Variants in ELAC1 observed in about 807,000 individuals in gnomAD.
ELAC1 encodes the protein elaC ribonuclease Z 1, also known as zinc phosphodiesterase ELAC protein 1.
A neutral mutation model predicts 25.8 loss-of-function variants in ELAC1; 19 were observed. The ratio of observed to expected loss-of-function variants is 0.74; its 90% CI spans 0.51 to 1.08. The LOEUF (loss-of-function observed/expected upper bound fraction) is 1.08, where lower values mean the gene tolerates loss of function less well. ELAC1 is among the 50% of genes least tolerant of loss of function. The pLI, the probability that ELAC1 is intolerant of heterozygous loss-of-function variation, is 0.00. For synonymous variants in ELAC1, 148 were observed against 160.9 expected (o/e 0.92, Z 0.61); for missense variants, 403 against 434.6 (o/e 0.93, Z 0.65).
chr18:50,980,574 C>T (rs922271491), intron 2 of ELAC1, among the ~76,000 whole-genome samples: 2 of 151,682 alleles, frequency 1.3e-5, no homozygotes, highest in Admixed American at 1.3e-4. Flanking sequence ...ACCAGCCTGG[C>T]CAACATGGTG....
chr18:50,974,307 A>C, intron 1 of ELAC1, 90 bp from the exon 2 acceptor site: 2 of 1,242,804 alleles, frequency 1.6e-6, no homozygotes, highest in Non-Finnish European at 2.2e-6. Context: ...GTTCTAAATA[A>C]CCAAAAAGTA....
At chr18:50,983,576 G>A (rs1172442569) in intron 2 of ELAC1, among the ~76,000 whole-genome samples, 2 of 151,820 alleles carry the variant, frequency 1.3e-5, no homozygotes, top group Non-Finnish European at 2.9e-5. Context: ...AAACCATCTA[G>A]TGGGGCTAGG....
In ELAC1 at chr18:50,984,268, T is replaced by C; in HGVS notation, c.330T>C (p.Ser110=). The change falls in exon 3 of 4, where the codon TCT becomes TCC. Residue 110 remains serine (S), a synonymous_variant. Transcript: ENST00000269466. Reference sequence around the variant, plus strand: ...TTATCTGGCGAACCATGGAACTCTCTCACACGGAGCTGGTCTTCCATTATG... The same window carrying C: ...TTATCTGGCGAACCATGGAACTCTCCCACACGGAGCTGGTCTTCCATTATG... ...RDFIWRTMEL[S]HTELVFHYVV... 1.9e-6 allele frequency: 3 copies of C among 1,614,200 alleles called. No individual in the cohort carries two copies. Among genetic ancestry groups the C allele is most frequent in the Non-Finnish European group, 2.5e-6 (3 of 1,180,038 alleles).
chr18:50,983,138 T>A (rs1907999005), intron 2 of ELAC1, among the ~76,000 whole-genome samples: 1 of 151,236 alleles, frequency 6.6e-6, no homozygotes, highest in Non-Finnish European at 1.5e-5. Context: ...TTGGTACACT[T>A]GTATATTTTA....
At chr18:50,985,282 A>G (rs978190650) in intron 3 of ELAC1, among the ~76,000 whole-genome samples, 1 of 152,138 alleles carries the variant, frequency 6.6e-6, no homozygotes, top group East Asian at 1.9e-4. Flanking sequence ...TAACCTTACA[A>G]CTGCAACCAT....
chr18:50,981,774 G>A (rs1907955244), intron 2 of ELAC1, among the ~76,000 whole-genome samples: 1 of 151,904 alleles, frequency 6.6e-6, no homozygotes, highest in Admixed American at 6.6e-5. Flanking sequence ...ATAGGGAAAG[G>A]GCCCAGAAAG....
chr18:50,980,814 G>A (rs1289325362), intron 2 of ELAC1, among the ~76,000 whole-genome samples: 2 of 149,744 alleles, frequency 1.3e-5, no homozygotes, highest in African/African-American at 4.9e-5. Flanking sequence ...AGGAAGGTGA[G>A]ATAGTAATCC....
chr18:50,974,252 C>T lies in ELAC1; in HGVS notation c.-8-145C>T, dbSNP rs767685346. Reference sequence around the variant, plus strand: ...TTTTAGCCAAGTTATTAAAACCTTACTGTGGATATGTGTGGAATACTATGA... The same window carrying T: ...TTTTAGCCAAGTTATTAAAACCTTATTGTGGATATGTGTGGAATACTATGA... On this transcript the variant is annotated intron_variant, in intron 1 of 3. Coordinates refer to ENST00000269466, the MANE Select transcript of ELAC1 (RefSeq NM_018696.3). The T allele has an allele frequency of 1.0e-4, 54 of 542,538 alleles. 1 individual carries two copies. The highest frequency in any genetic ancestry group is 1.3e-4 in the Non-Finnish European group (45 of 353,696). 33.6% of individuals were successfully genotyped at this position (542,538 alleles called of 1,614,324 possible).
At chr18:50,979,558 C>T (rs1018501951) in intron 2 of ELAC1, among the ~76,000 whole-genome samples, 11 of 152,088 alleles carry the variant, frequency 7.2e-5, no homozygotes, top group African/African-American at 2.4e-4. Context: ...ATAAAGTAAT[C>T]GCATTGCATT....
At chr18:50,985,153 G>T (rs1240059481) in intron 3 of ELAC1, among the ~76,000 whole-genome samples, 1 of 152,144 alleles carries the variant, frequency 6.6e-6, no homozygotes, top group Non-Finnish European at 1.5e-5. Flanking sequence ...ATCTTGGTTG[G>T]CAAGGTGATT....
intron 2 of ELAC1, among the ~76,000 whole-genome samples, chr18:50,981,091 C>T (rs916138401): frequency 1.4e-5 from 2 of 145,716 alleles, no homozygotes; most frequent in African/African-American, 2.8e-5. Context: ...ACACCCCCAC[C>T]CCCCGCCACC....
rs1011712547 is a variant in ELAC1, at chr18:50,968,084, C to T, written c.-39C>T. 4 of 152,078 alleles carry T rather than the reference C, an allele frequency of 2.6e-5. No individual in the cohort carries two copies. The highest frequency in any genetic ancestry group is 7.2e-5 in the African/African-American group (3 of 41,430). 9.4% of individuals were successfully genotyped at this position (152,078 alleles called of 1,614,324 possible). ...GGCCAGGGTGCGGGCCTGCGCCTCCCTCGGCTCCTGGCGCGGGCCTCGGGG... is the reference window on the plus strand; with the variant it reads ...GGCCAGGGTGCGGGCCTGCGCCTCCTTCGGCTCCTGGCGCGGGCCTCGGGG... On this transcript the variant is annotated 5_prime_UTR_variant, in exon 1 of 4. Coordinates refer to ENST00000269466, the MANE Select transcript of ELAC1 (RefSeq NM_018696.3).
chr18:50,968,812 G>A (rs1255864039), intron 1 of ELAC1: 1 of 152,178 alleles, frequency 6.6e-6, no homozygotes, highest in Non-Finnish European at 1.5e-5. Context: ...CCCAAAACAT[G>A]CACCATTGAT....
Position 50,986,823 on chromosome 18 carries a change from C to A in ELAC1, c.830C>A (p.Thr277Asn). ...FEADLLIHEATLDDAQMDKAK... is the reference protein window; with the variant it reads ...FEADLLIHEANLDDAQMDKAK... ...GCAGACCTGTTGATCCACGAAGCAA[C>A]CCTGGATGATGCCCAGATGGACAAA... The change falls in exon 4 of 4, where the codon ACC (threonine) becomes AAC (asparagine). Residue 277 changes from threonine (T) to asparagine (N), a missense_variant. Transcript: ENST00000269466. The A allele has an allele frequency of 6.2e-7, 1 of 1,614,154 alleles. No homozygotes were observed. The highest frequency in any genetic ancestry group is 8.5e-7 in the Non-Finnish European group (1 of 1,180,028).
intron 1 of ELAC1, among the ~76,000 whole-genome samples, chr18:50,973,217 A>G (rs1165752533): frequency 6.6e-6 from 1 of 152,206 alleles, no homozygotes; most frequent in African/African-American, 2.4e-5. Context: ...GCTGTCAGTC[A>G]AATTCTCTTA....
At chr18:50,976,701 A>G (rs1216171969) in intron 2 of ELAC1, among the ~76,000 whole-genome samples, 5 of 152,118 alleles carry the variant, frequency 3.3e-5, no homozygotes, top group African/African-American at 1.2e-4. Context: ...TTCAAAACCA[A>G]TCATGCCTTC....
chr18:50,974,617 C>A, intron 2 of ELAC1, 56 bp downstream of exon 2: 1 of 1,516,894 alleles, frequency 6.6e-7, no homozygotes, highest in Non-Finnish European at 9.1e-7. Context: ...GCTTCATTTT[C>A]TTGGCTCTCC....
In ELAC1 at chr18:50,979,253, G is replaced by A. The variant is rs532538631; in HGVS notation, c.157+4692G>A. On this transcript the variant is annotated intron_variant, in intron 2 of 3. Coordinates refer to ENST00000269466, the MANE Select transcript of ELAC1 (RefSeq NM_018696.3). ...ATTTATTATCTCCTAGTTACTGTAG[G>A]TTAGGGAGTTCGGGCCTGGTTTAGC... 5.3e-5 allele frequency among the ~76,000 whole-genome samples: 8 copies of A among 152,270 alleles called. No individual in the cohort carries two copies. The East Asian group carries it at 9.6e-4, about 18-fold the overall frequency.
chr18:50,974,692 G>A (rs915610843), intron 2 of ELAC1, 131 bp downstream of exon 2: 1 of 799,724 alleles, frequency 1.3e-6, no homozygotes, highest in Non-Finnish European at 2.0e-6. Flanking sequence ...ACCCTGGTGA[G>A]ACTTGGAAGG....
Sources: allele counts gnomAD v4.1 joint callset (sites outside exome capture counted in the v4.1 genomes callset), GRCh38; gene constraint gnomAD v4.1.1; transcripts MANE v1.5; gene names NCBI Gene and HGNC (gene_info 2026-07-23, HGNC 2026-07-21).